ANKRD13C: variants seen among roughly 807,000 people sequenced by gnomAD.
The protein encoded by ANKRD13C is ankyrin repeat domain 13C.
ANKRD13C carries 16 observed loss-of-function variants against 65.5 expected under a neutral mutation model. The ratio of observed to expected loss-of-function variants is 0.24; its 90% confidence interval spans 0.17 to 0.37. The LOEUF (loss-of-function observed/expected upper bound fraction) is 0.37, where lower values mean the gene tolerates loss of function less well. Ranked by LOEUF, ANKRD13C falls within the 10% of genes least tolerant of loss-of-function variation. The pLI is 1.00. For missense variants in ANKRD13C, 503 were observed against 655.9 expected (o/e 0.77, Z 2.55); for synonymous variants, 235 against 238.7 (o/e 0.98, Z 0.14).
At chr1:70,328,187 T>C (rs1034252952) in intron 2 of ANKRD13C, among the ~76,000 whole-genome samples, 1 of 152,108 alleles carries the variant, frequency 6.6e-6, no homozygotes, top group African/African-American at 2.4e-5. Context: ...TCTTTCAATT[T>C]TGGGGGTATA....
At chr1:70,312,907 G>A (rs1285754817) in intron 5 of ANKRD13C, among the ~76,000 whole-genome samples, 1 of 152,042 alleles carries the variant, frequency 6.6e-6, no homozygotes, top group Non-Finnish European at 1.5e-5. Flanking sequence ...ATAAATGACT[G>A]CAAAAAAATC....
At chr1:70,333,648 C>A (rs142294845) in intron 2 of ANKRD13C, among the ~76,000 whole-genome samples, 2,404 of 152,236 alleles carry the variant, frequency 0.016, 73 homozygotes, top group Admixed American at 0.074. Flanking sequence ...ACCTAAGAAA[C>A]CCATCTAGTT....
chr1:70,337,870 G>T (rs1682113049), intron 1 of ANKRD13C, among the ~76,000 whole-genome samples: 1 of 152,096 alleles, frequency 6.6e-6, no homozygotes. Flanking sequence ...GAGGCCAAAA[G>T]GGGCGGATCA....
Position 70,354,373 on chromosome 1 carries a change from G to A in ANKRD13C, c.36C>T (p.Asp12=), listed in dbSNP as rs1362526399. The A allele has an allele frequency of 6.2e-7, 1 of 1,613,926 alleles. No individual in the cohort carries two copies. The highest frequency in any genetic ancestry group is 8.5e-7 in the Non-Finnish European group (1 of 1,179,976). ...TGEKIRSLRR[D]HKPSKEEGDL... ...CCCCTTCTTCTTTGCTGGGCTTGTG[G>A]TCCCTCCGCAGTGAGCGGATCTTCT... The change falls in exon 1 of 13, where the codon GAC becomes GAT. Residue 12 remains aspartate (D), a synonymous_variant. Transcript: ENST00000370944.
chr1:70,281,900 T>C (rs1289762027), intron 9 of ANKRD13C, among the ~76,000 whole-genome samples: 1 of 150,960 alleles, frequency 6.6e-6, no homozygotes, highest in Non-Finnish European at 1.5e-5. Flanking sequence ...CTCAAGAGGC[T>C]GAGGCAGGAG....
chr1:70,262,624 T>C lies in ANKRD13C; in HGVS notation c.*93A>G. On this transcript the variant is annotated 3_prime_UTR_variant, in exon 13 of 13. Transcript: ENST00000370944. ...CGATTCAATGTGTAATTCCCTTTTCTTCACTGAAAGCATTTGTCCCTTCTA... is the reference window on the plus strand; with the variant it reads ...CGATTCAATGTGTAATTCCCTTTTCCTCACTGAAAGCATTTGTCCCTTCTA... 7.4e-7 allele frequency: 1 copy of C among 1,344,024 alleles called. No homozygotes were observed. The highest frequency in any genetic ancestry group is 2.4e-5 in the East Asian group (1 of 41,576). The allele number at this position is 1,344,024 out of a possible 1,614,324, so 83.3% of individuals were successfully genotyped here.
chr1:70,304,907 T>C (rs1680522978), intron 6 of ANKRD13C, among the ~76,000 whole-genome samples: 1 of 152,184 alleles, frequency 6.6e-6, no homozygotes, highest in East Asian at 1.9e-4. Context: ...TTTTCTGTAA[T>C]GACAGTGCAT....
chr1:70,296,693 G>A (rs1475523311), intron 7 of ANKRD13C, among the ~76,000 whole-genome samples: 1 of 152,124 alleles, frequency 6.6e-6, no homozygotes, highest in Non-Finnish European at 1.5e-5. Context: ...TCTTCTTAAT[G>A]CAAAGATCCA....
intron 3 of ANKRD13C, among the ~76,000 whole-genome samples, chr1:70,324,023 G>T (rs1482523210): frequency 6.6e-6 from 1 of 152,122 alleles, no homozygotes; most frequent in Non-Finnish European, 1.5e-5. Flanking sequence ...ACCGTGCCCA[G>T]CCTGCCAAAT....
At chr1:70,316,557 G>A (rs926068513) in intron 3 of ANKRD13C, among the ~76,000 whole-genome samples, 1 of 151,686 alleles carries the variant, frequency 6.6e-6, no homozygotes, top group Non-Finnish European at 1.5e-5. Context: ...GCTTGATGGT[G>A]TGTACCTGTG....
intron 11 of ANKRD13C, among the ~76,000 whole-genome samples, chr1:70,271,458 G>C (rs1238470367): frequency 6.6e-6 from 1 of 152,030 alleles, no homozygotes; most frequent in African/African-American, 2.4e-5. Context: ...TGGTTGGATG[G>C]ATTTCTTTTT....
chr1:70,280,475 C>G (rs1361755372), intron 9 of ANKRD13C, among the ~76,000 whole-genome samples: 2 of 152,070 alleles, frequency 1.3e-5, no homozygotes, highest in African/African-American at 4.8e-5. Flanking sequence ...TGGCCAGACA[C>G]AGAAGAGAAA....
rs576980408 is a variant in ANKRD13C, at chr1:70,345,651, G to A, written c.430+8328C>T. On this transcript the variant is annotated intron_variant, in intron 1 of 12. Transcript: ENST00000370944. ...TTCACTGTACAATAGCAAAAAAACC[G>A]TATTTGGCAATATCACCTCCAATCT... Among the ~76,000 whole-genome samples, 16 of 152,150 alleles carry A rather than the reference G, an allele frequency of 1.1e-4. No homozygotes were observed. The East Asian group carries it at 1.9e-3, about 18-fold the overall frequency.
At chr1:70,312,066 T>C (rs908724174) in intron 5 of ANKRD13C, among the ~76,000 whole-genome samples, 13 of 152,340 alleles carry the variant, frequency 8.5e-5, no homozygotes, top group African/African-American at 2.9e-4. Flanking sequence ...ACTTCAGATT[T>C]ATGGCTGCGT....
chr1:70,331,360 A>G (rs1003183455), intron 2 of ANKRD13C, among the ~76,000 whole-genome samples: 5 of 152,124 alleles, frequency 3.3e-5, no homozygotes, highest in African/African-American at 1.2e-4. Flanking sequence ...CAGGAGTTCG[A>G]GACCAGCCTA....
At chr1:70,331,454 C>T (rs1313568336) in intron 2 of ANKRD13C, among the ~76,000 whole-genome samples, 2 of 140,596 alleles carry the variant, frequency 1.4e-5, no homozygotes, top group Admixed American at 1.5e-4. Context: ...CCAGCTACTA[C>T]TAAATGAAAT....
At chr1:70,329,616 T>C (rs1165517959) in intron 2 of ANKRD13C, among the ~76,000 whole-genome samples, 1 of 152,150 alleles carries the variant, frequency 6.6e-6, no homozygotes, top group Non-Finnish European at 1.5e-5. Context: ...AGAATTCATG[T>C]AAGATTTATA....
At position 70,354,309 on chromosome 1, in the gene ANKRD13C, G is replaced by C; in HGVS notation, c.100C>G (p.Leu34Val). The change falls in exon 1 of 13, where the codon CTC (leucine) becomes GTC (valine). Residue 34 changes from leucine to valine, a missense_variant. This residue lies in a region of ANKRD13C where 203 missense variants were observed against 177.6 expected (regional missense o/e 1.14). Coordinates refer to ENST00000370944, the MANE Select transcript of ANKRD13C (RefSeq NM_030816.5). ...EPGDEEAAAALGGTFTRSRIG... is the reference protein window; with the variant it reads ...EPGDEEAAAAVGGTFTRSRIG... ...CTGCTTCTGGTAAAGGTACCGCCGA[G>C]GGCAGCCGCCGCTTCCTCATCCCCG... The C allele has an allele frequency of 1.9e-6, 3 of 1,613,934 alleles. No homozygotes were observed. Among genetic ancestry groups the C allele is most frequent in the Non-Finnish European group, 2.5e-6 (3 of 1,180,004 alleles).
intron 9 of ANKRD13C, among the ~76,000 whole-genome samples, chr1:70,286,713 C>T (rs776815963): frequency 4.6e-5 from 7 of 152,184 alleles, no homozygotes; most frequent in Admixed American, 2.0e-4. Flanking sequence ...AGGCCAGGCA[C>T]GGTGGCTCAT....
Sources: allele counts gnomAD v4.1 joint callset (sites outside exome capture counted in the v4.1 genomes callset), GRCh38; gene constraint gnomAD v4.1.1; regional missense constraint gnomAD v4.1.1; transcripts MANE v1.5; gene names NCBI Gene and HGNC (gene_info 2026-07-23, HGNC 2026-07-21).